NAV3: variants seen among roughly 807,000 people sequenced by gnomAD.
NAV3 encodes the protein pore membrane and/or filament interacting like protein 1.
NAV3 carries 87 observed loss-of-function variants against 244.7 expected under a neutral mutation model. The ratio of observed to expected loss-of-function variants is 0.36; its 90% CI spans 0.30 to 0.42. NAV3 has a LOEUF of 0.42. NAV3 is among the 20% of genes least tolerant of loss of function. NAV3 has a pLI of 1.00. For missense variants in NAV3, 2,663 were observed against 2,893.3 expected, an observed-to-expected ratio of 0.92 and a Z score of 1.83; for synonymous variants, 1,126 against 1,042.2, an observed-to-expected ratio of 1.08 and a Z score of -1.55.
intron 18 of NAV3, among the ~76,000 whole-genome samples, chr12:78,134,719 A>G (rs1956300388): frequency 6.6e-6 from 1 of 152,044 alleles, no homozygotes; most frequent in Non-Finnish European, 1.5e-5. Context: ...GGCACTGCAT[A>G]CTCCAGCCTG....
chr12:77,728,793 G>C (rs763438702), intron 2 of NAV3, among the ~76,000 whole-genome samples: 1 of 151,714 alleles, frequency 6.6e-6, no homozygotes, highest in South Asian at 2.1e-4. Flanking sequence ...CTTATACCTA[G>C]ATCTTTTTCA....
chr12:77,863,120 A>G (rs570471858), intron 1 of NAV3, among the ~76,000 whole-genome samples: 2 of 151,906 alleles, frequency 1.3e-5, no homozygotes, highest in Non-Finnish European at 2.9e-5. Flanking sequence ...AGCTGCTCAG[A>G]CCAATCCAAC....
chr12:78,039,953 C>T (rs1204172808), intron 9 of NAV3, among the ~76,000 whole-genome samples: 1 of 152,006 alleles, frequency 6.6e-6, no homozygotes, highest in Non-Finnish European at 1.5e-5. Flanking sequence ...ATTATGCAAG[C>T]AGGAGGAGAC....
intron 30 of NAV3, among the ~76,000 whole-genome samples, chr12:78,182,701 G>A (rs1958550590): frequency 6.6e-6 from 1 of 151,744 alleles, no homozygotes. Context: ...TTTAGGAGGA[G>A]CCAAGTTTTA....
intron 2 of NAV3, among the ~76,000 whole-genome samples, chr12:77,615,729 A>T (rs1871121724): frequency 1.3e-5 from 2 of 152,156 alleles, no homozygotes; most frequent in Admixed American, 1.3e-4. Flanking sequence ...CTTTGGGTAT[A>T]TACCAGTTGA....
chr12:77,705,239 C>CATATTTCACCTGCTTGG (rs1555196507), intron 2 of NAV3, among the ~76,000 whole-genome samples: 9 of 151,588 alleles, frequency 5.9e-5, no homozygotes, highest in South Asian at 2.1e-4. Flanking sequence ...GCCAACATAG[C>CATATTTCACCTGCTTGG]GAAACCCTGT....
intron 2 of NAV3, among the ~76,000 whole-genome samples, chr12:77,577,530 A>G (rs1869149376): frequency 6.6e-6 from 1 of 152,172 alleles, no homozygotes; most frequent in Non-Finnish European, 1.5e-5. Context: ...GTTCTAGACT[A>G]GACTATGTGC....
intron 3 of NAV3, among the ~76,000 whole-genome samples, chr12:77,951,477 TA>T (rs1255406907): frequency 1.3e-5 from 2 of 152,178 alleles, no homozygotes; most frequent in Non-Finnish European, 1.5e-5. Flanking sequence ...GGTGGGACTG[TA>T]AACTAGTTCA....
chr12:78,031,395 A>G (rs888405813), intron 9 of NAV3, among the ~76,000 whole-genome samples: 5 of 152,112 alleles, frequency 3.3e-5, no homozygotes, highest in Non-Finnish European at 7.4e-5. Flanking sequence ...AGTGGAGCCA[A>G]TGAGAACAAT....
chr12:78,095,593 G>C (rs1435323515), intron 12 of NAV3, among the ~76,000 whole-genome samples: 2 of 152,142 alleles, frequency 1.3e-5, no homozygotes, highest in African/African-American at 2.4e-5. Flanking sequence ...CAGGCTAGAG[G>C]GAGAGATACC....
At chr12:77,796,533 AGGCAGT>A (rs1321698030) in intron 2 of NAV3, among the ~76,000 whole-genome samples, 1 of 152,250 alleles carries the variant, frequency 6.6e-6, no homozygotes, top group Non-Finnish European at 1.5e-5. Context: ...TTAGATGATA[AGGCAGT>A]GGCTGGGTTC....
chr12:77,836,012 G>A (rs559666714), intron 1 of NAV3, among the ~76,000 whole-genome samples: 1 of 152,236 alleles, frequency 6.6e-6, no homozygotes, highest in African/African-American at 2.4e-5. Flanking sequence ...AATATTTCAA[G>A]GGCTTATGTT....
intron 2 of NAV3, among the ~76,000 whole-genome samples, chr12:77,678,762 C>A (rs1419469039): frequency 6.6e-6 from 1 of 152,130 alleles, no homozygotes; most frequent in Admixed American, 6.6e-5. Flanking sequence ...AACTCAGGAG[C>A]ATTATCTCAG....
rs1409954558 is a variant in NAV3, at chr12:77,900,584, G to A, written c.244-39735G>A. On this transcript the variant is annotated intron_variant, in intron 1 of 39. Coordinates refer to ENST00000397909, the MANE Select transcript of NAV3 (RefSeq NM_001024383.2). ...CATGCACACGCGTATGTGTGTGTGT[G>A]TGTGTATTATATTTTCTTTATCCAG... Among the ~76,000 whole-genome samples the A allele has an allele frequency of 2.0e-5, 3 of 152,124 alleles. No individual in the cohort carries two copies. In the East Asian group the frequency reaches 5.8e-4, roughly 29 times the overall value.
intron 2 of NAV3, among the ~76,000 whole-genome samples, chr12:77,575,296 T>C (rs926911190): frequency 1.2e-4 from 19 of 152,056 alleles, no homozygotes; most frequent in Admixed American, 7.9e-4. Flanking sequence ...AATAATCTTA[T>C]AGAAGTTGAA....
chr12:78,117,410 A>T (rs1024002330), intron 13 of NAV3, among the ~76,000 whole-genome samples: 4 of 144,382 alleles, frequency 2.8e-5, no homozygotes, highest in East Asian at 4.0e-4. Context: ...TTATATATTT[A>T]ATATATTAAT....
intron 2 of NAV3, among the ~76,000 whole-genome samples, chr12:77,820,109 T>TGC (rs1491346098): frequency 4.0e-5 from 6 of 148,680 alleles, no homozygotes; most frequent in African/African-American, 1.5e-4. Flanking sequence ...TGTGTGTGTG[T>TGC]GCACACGCAC....
chr12:78,042,515 G>A (rs754687607), intron 9 of NAV3, among the ~76,000 whole-genome samples: 3 of 152,154 alleles, frequency 2.0e-5, no homozygotes, highest in African/African-American at 2.4e-5. Context: ...GACCTCAGCC[G>A]GGCATGGTGG....
intron 2 of NAV3, among the ~76,000 whole-genome samples, chr12:77,660,785 A>G (rs1873406170): frequency 6.6e-6 from 1 of 152,144 alleles, no homozygotes; most frequent in Admixed American, 6.5e-5. Context: ...CAACCATGGA[A>G]CTAGCTTTGT....
Sources: gnomAD v4.1 joint callset for allele counts (sites outside exome capture counted in the v4.1 genomes callset) on GRCh38, gnomAD v4.1.1 for gene constraint, MANE v1.5 for transcripts, NCBI Gene and HGNC (gene_info 2026-07-23, HGNC 2026-07-21) for gene names.